FAM193A: variants seen among roughly 807,000 people sequenced by gnomAD.
The protein encoded by FAM193A is protein FAM193A.
A neutral mutation model predicts 126.5 loss-of-function variants in FAM193A; 22 were observed. That is an observed-to-expected ratio of 0.17 (90% CI 0.12 to 0.25). The LOEUF (loss-of-function observed/expected upper bound fraction) is 0.25, where lower values mean the gene tolerates loss of function less well. Among genes scored for constraint, FAM193A ranks in the 10% least tolerant of loss-of-function variants. The pLI is 1.00. For synonymous variants in FAM193A, 761 were observed against 646.8 expected, an observed-to-expected ratio of 1.18 and a Z score of -2.68; for missense variants, 1,675 against 1,672.8, an observed-to-expected ratio of 1.00 and a Z score of -0.02.
At chr4:2,683,943 C>G (rs946039722) in intron 13 of FAM193A, among the ~76,000 whole-genome samples, 1 of 152,190 alleles carries the variant, frequency 6.6e-6, no homozygotes, top group Non-Finnish European at 1.5e-5. Flanking sequence ...TTTCCTTGGC[C>G]GTGTCGTCTC....
intron 2 of FAM193A, among the ~76,000 whole-genome samples, chr4:2,617,563 C>G (rs1330689487): frequency 1.3e-5 from 2 of 151,882 alleles, no homozygotes; most frequent in Non-Finnish European, 2.9e-5. Flanking sequence ...CGCGTCTGGC[C>G]TATGAATATT....
intron 6 of FAM193A, among the ~76,000 whole-genome samples, chr4:2,645,795 G>C (rs774067680): frequency 8.5e-5 from 13 of 152,092 alleles, no homozygotes; most frequent in Non-Finnish European, 1.5e-4. Flanking sequence ...CCAAAGTGCT[G>C]GGATTACAGG....
At chr4:2,566,480 AGAAGTTT>A (rs1738958702) in intron 1 of FAM193A, among the ~76,000 whole-genome samples, 2 of 152,294 alleles carry the variant, frequency 1.3e-5, no homozygotes, top group South Asian at 4.1e-4. Flanking sequence ...ACTTGAAGTC[AGAAGTTT>A]GAGACCAGCC....
At position 2,672,110 on chromosome 4, in the gene FAM193A, T is replaced by G. The variant is rs1713867165; in HGVS notation, c.2080-11T>G. The G allele has an allele frequency of 6.2e-7, 1 of 1,612,712 alleles. No homozygotes were observed. The highest frequency in any genetic ancestry group is 1.3e-5 in the African/African-American group (1 of 74,944). ...TCACTAAATAGGTATGTTTTTTTTC[T>G]TTCCTCTTAGGCTGAACAAGCTCCA... On this transcript the variant is annotated splice_polypyrimidine_tract_variant and intron_variant, in intron 12 of 20. Transcript: ENST00000637812.
intron 1 of FAM193A, among the ~76,000 whole-genome samples, chr4:2,592,228 A>G (rs1464590996): frequency 2.6e-5 from 4 of 151,980 alleles, no homozygotes; most frequent in Non-Finnish European, 4.4e-5. Flanking sequence ...AGCTGGGATT[A>G]CAGATGTACG....
chr4:2,535,837 G>GA (rs1736844935), upstream of FAM193A, among the ~76,000 whole-genome samples: 1 of 152,118 alleles, frequency 6.6e-6, no homozygotes, highest in African/African-American at 2.4e-5. Context: ...GGCTCGGGAA[G>GA]AGCACCCTTT....
At chr4:2,537,520 C>T (rs567383107) in intron 1 of FAM193A, among the ~76,000 whole-genome samples, 65 of 152,370 alleles carry the variant, frequency 4.3e-4, no homozygotes, top group Non-Finnish European at 7.5e-4. Context: ...GCGCACGGCG[C>T]TTCGCCTTCC....
At chr4:2,564,238 C>A (rs902990537) in intron 1 of FAM193A, among the ~76,000 whole-genome samples, 1 of 152,002 alleles carries the variant, frequency 6.6e-6, no homozygotes, top group African/African-American at 2.4e-5. Flanking sequence ...CCTCTACCAA[C>A]CTGGCTAATT....
At chr4:2,715,714 T>G (rs1236408600) in intron 19 of FAM193A, among the ~76,000 whole-genome samples, 24 of 152,196 alleles carry the variant, frequency 1.6e-4, no homozygotes, top group Admixed American at 1.5e-3. Flanking sequence ...GCTAAAGGGC[T>G]CTCTGATGGG....
intron 4 of FAM193A, among the ~76,000 whole-genome samples, chr4:2,627,111 G>C (rs1743045278): frequency 6.6e-6 from 1 of 151,012 alleles, no homozygotes. Flanking sequence ...TAACCACACA[G>C]AATTTGAGGT....
chr4:2,573,384 G>A (rs1453120364), intron 1 of FAM193A, among the ~76,000 whole-genome samples: 2 of 152,032 alleles, frequency 1.3e-5, no homozygotes, highest in African/African-American at 4.8e-5. Context: ...GTGGTGACGG[G>A]CACCTGTAAT....
intron 1 of FAM193A, among the ~76,000 whole-genome samples, chr4:2,578,075 C>A (rs1739710110): frequency 6.6e-6 from 1 of 152,056 alleles, no homozygotes; most frequent in South Asian, 2.1e-4. Flanking sequence ...TTTATTACTT[C>A]TTCTGTTTTT....
intron 19 of FAM193A, among the ~76,000 whole-genome samples, chr4:2,710,865 T>C (rs1231395685): frequency 6.7e-6 from 1 of 149,042 alleles, no homozygotes; most frequent in African/African-American, 2.5e-5. Context: ...TTTTTTTTTT[T>C]TTTTGAGACA....
Position 2,615,361 on chromosome 4 carries a change from A to G in FAM193A, c.502-9901A>G, listed in dbSNP as rs148657708. 23 of 152,276 alleles carry G rather than the reference A, an allele frequency of 1.5e-4. No homozygotes were observed. In the East Asian group the frequency reaches 4.2e-3, roughly 28 times the overall value. 9.4% of individuals were successfully genotyped at this position (152,276 alleles called of 1,614,324 possible). A position where few individuals can be genotyped will look rare whatever the true frequency, so the allele number is the denominator to read the frequency against. On this transcript the variant is annotated intron_variant, in intron 2 of 20. Coordinates refer to ENST00000637812, the MANE Select transcript of FAM193A (RefSeq NM_001366318.2). The stretch of plus-strand genomic sequence containing the variant: ...TACATTTCTTTTAAAATTTGCACCA[A>G]TCACACAGGATCTATAAATCTCTGT...
chr4:2,580,943 C>CA (rs745784688), intron 1 of FAM193A, among the ~76,000 whole-genome samples: 26 of 152,182 alleles, frequency 1.7e-4, no homozygotes, highest in Non-Finnish European at 3.4e-4. Flanking sequence ...TCCTGGCTAA[C>CA]ACGGTGAAAC....
At chr4:2,605,970 CAAAAAAAAAAA>C (rs1160026686) in intron 2 of FAM193A, among the ~76,000 whole-genome samples, 16 of 31,892 alleles carry the variant, frequency 5.0e-4, no homozygotes, top group African/African-American at 1.2e-3. Context: ...GACTCTGTCT[CAAAAAAAAAAA>C]AAAAAAAAAA....
chr4:2,644,044 TTG>T (rs1233349637), intron 6 of FAM193A, among the ~76,000 whole-genome samples: 1 of 152,206 alleles, frequency 6.6e-6, no homozygotes, highest in Admixed American at 6.5e-5. Flanking sequence ...TGCTGCTGTC[TTG>T]TATTTGCAAG....
intron 16 of FAM193A, 134 bp downstream of exon 16, chr4:2,694,008 T>C: frequency 1.0e-6 from 1 of 954,466 alleles, no homozygotes; most frequent in Non-Finnish European, 1.5e-6. Flanking sequence ...AATGCAGGGA[T>C]GTCCCCAGCA....
In FAM193A at chr4:2,732,270, G is replaced by A. The variant is rs1043524380; in HGVS notation, c.*402G>A. On this transcript the variant is annotated 3_prime_UTR_variant, in exon 21 of 21. Transcript: ENST00000637812. ...TCACTCAGCTCTCCTGTGCCCCTGC[G>A]TCTCACCCTAGGCGGGCTGGGCGGG... The A allele has an allele frequency of 1.8e-5, 4 of 221,948 alleles. No individual in the cohort carries two copies. Among genetic ancestry groups the A allele is most frequent in the South Asian group, 6.5e-5 (1 of 15,386 alleles). 13.7% of individuals were successfully genotyped at this position (221,948 alleles called of 1,614,324 possible).
Sources: gnomAD v4.1 joint callset for allele counts (sites outside exome capture counted in the v4.1 genomes callset) on GRCh38, gnomAD v4.1.1 for gene constraint, MANE v1.5 for transcripts, NCBI Gene and HGNC (gene_info 2026-07-23, HGNC 2026-07-21) for gene names.